OIT3: variants seen among roughly 807,000 people sequenced by gnomAD.
OIT3 encodes oncoprotein induced transcript 3.
In OIT3, 41 loss-of-function variants were observed where a neutral mutation model predicts 52.2. The observed-to-expected ratio is 0.79, with a 90% CI of 0.61 to 1.02. The LOEUF (loss-of-function observed/expected upper bound fraction) is 1.02, where lower values mean the gene tolerates loss of function less well. Ranked by LOEUF, OIT3 falls within the 50% of genes least tolerant of loss-of-function variation. OIT3 has a pLI of 0.00. For missense variants in OIT3, 634 were observed against 715.5 expected (o/e 0.89, Z 1.30); for synonymous variants, 244 against 276.9 (o/e 0.88, Z 1.18).
chr10:72,931,589 G>A (rs1381676100), intron 8 of OIT3, among the ~76,000 whole-genome samples: 1 of 152,148 alleles, frequency 6.6e-6, no homozygotes, highest in Non-Finnish European at 1.5e-5. Flanking sequence ...CCCCAAACAA[G>A]CAGGGCTAAG....
At chr10:72,914,746 C>T (rs928270430) in intron 6 of OIT3, among the ~76,000 whole-genome samples, 3 of 152,282 alleles carry the variant, frequency 2.0e-5, no homozygotes, top group African/African-American at 7.2e-5. Context: ...ACATAACAGG[C>T]GGAAGCTGTC....
chr10:72,932,499 C>G lies in OIT3; in HGVS notation c.1613C>G (p.Pro538Arg), dbSNP rs1228600654. The G allele has an allele frequency of 6.2e-7, 1 of 1,609,372 alleles. No individual in the cohort carries two copies. Among genetic ancestry groups the G allele is most frequent in the Admixed American group, 1.7e-5 (1 of 59,492 alleles). ...CAGGGCCAGACGCTAACAGGCGGCCCGATCCGCATCGACTGGGAGGACTAG... is the reference window on the plus strand; with the variant it reads ...CAGGGCCAGACGCTAACAGGCGGCCGGATCCGCATCGACTGGGAGGACTAG... ...GLQGQTLTGG[P>R]IRIDWED The change falls in exon 9 of 9, where the codon CCG becomes CGG. Residue 538 changes from proline to arginine, a missense_variant. Physicochemically the swap from Pro to Arg is moderately radical, Grantham distance 103. Coordinates refer to ENST00000334011, the MANE Select transcript of OIT3 (RefSeq NM_152635.3).
intron 1 of OIT3, among the ~76,000 whole-genome samples, chr10:72,894,627 C>T (rs1013573500): frequency 6.6e-6 from 1 of 152,078 alleles, no homozygotes; most frequent in East Asian, 1.9e-4. Context: ...ACTTGTAATG[C>T]CAGCATTTGA....
rs533923683 is a variant in OIT3, at chr10:72,918,568, G to A, written c.951+5100G>A. ...GGCACACACTTAGGTGGGAGAGAAG[G>A]CGGATGGAGATAAACCACCACTGCT... On this transcript the variant is annotated intron_variant, in intron 6 of 8. Transcript: ENST00000334011. 23 of 976,010 alleles carry A rather than the reference G, an allele frequency of 2.4e-5. No homozygotes were observed. In the East Asian group the frequency reaches 4.8e-4, roughly 20 times the overall value. The allele number at this position is 976,010 out of a possible 1,614,324, so 60.5% of individuals were successfully genotyped here.
At chr10:72,923,392 G>A (rs1485991889) in intron 6 of OIT3, among the ~76,000 whole-genome samples, 1 of 152,156 alleles carries the variant, frequency 6.6e-6, no homozygotes, top group Non-Finnish European at 1.5e-5. Context: ...ACCTGTAGAT[G>A]GTGGTTGGAG....
At chr10:72,926,889 T>C (rs1426490905) in intron 7 of OIT3, among the ~76,000 whole-genome samples, 4 of 152,194 alleles carry the variant, frequency 2.6e-5, no homozygotes, top group Admixed American at 6.5e-5. Context: ...ATACAATAAA[T>C]AGACATATTT....
At chr10:72,903,858 G>A (rs984996061) in intron 3 of OIT3, among the ~76,000 whole-genome samples, 1 of 152,026 alleles carries the variant, frequency 6.6e-6, no homozygotes, top group Non-Finnish European at 1.5e-5. Flanking sequence ...GGTTAAATAA[G>A]TAGAAGTTTA....
chr10:72,895,973 G>A (rs562323303), intron 1 of OIT3, among the ~76,000 whole-genome samples: 1 of 152,330 alleles, frequency 6.6e-6, no homozygotes, highest in East Asian at 1.9e-4. Context: ...TGCCTTAAAA[G>A]GGGGTAGAGT....
intron 3 of OIT3, among the ~76,000 whole-genome samples, chr10:72,902,741 T>C (rs1039280579): frequency 2.0e-5 from 3 of 152,060 alleles, no homozygotes; most frequent in African/African-American, 7.2e-5. Context: ...TATAAAACCA[T>C]TGGATTTCGT....
intron 3 of OIT3, among the ~76,000 whole-genome samples, chr10:72,905,667 T>C (rs1332706745): frequency 6.6e-6 from 1 of 152,166 alleles, no homozygotes; most frequent in Admixed American, 6.5e-5. Context: ...TGTAAAACCG[T>C]ACTTCAGCCA....
intron 1 of OIT3, among the ~76,000 whole-genome samples, chr10:72,894,197 T>C (rs1845853998): frequency 6.6e-6 from 1 of 151,896 alleles, no homozygotes; most frequent in African/African-American, 2.4e-5. Context: ...AAAAAAAAAT[T>C]AAAGTTGAGC....
At chr10:72,914,398 C>T (rs139214695) in intron 6 of OIT3, among the ~76,000 whole-genome samples, 4 of 152,214 alleles carry the variant, frequency 2.6e-5, no homozygotes, top group Non-Finnish European at 4.4e-5. Context: ...TGGATCAGCA[C>T]GGAGGCCTTT....
chr10:72,930,680 T>A, intron 8 of OIT3, 43 bp downstream of exon 8: 41 of 141,636 alleles, frequency 2.9e-4, no homozygotes, highest in Non-Finnish European at 5.0e-4. Flanking sequence ...AACCTGAGCC[T>A]TTTTTTTTTT....
chr10:72,918,049 C>T, intron 6 of OIT3: 1 of 879,740 alleles, frequency 1.1e-6, no homozygotes, highest in Non-Finnish European at 1.9e-6. Flanking sequence ...TCATCATCAT[C>T]TTCCTCAGCA....
At chr10:72,899,777 C>T (rs905861607) in intron 2 of OIT3, among the ~76,000 whole-genome samples, 2 of 151,990 alleles carry the variant, frequency 1.3e-5, no homozygotes, top group African/African-American at 4.8e-5. Flanking sequence ...GATAATCAGA[C>T]ATCCATGTGA....
intron 3 of OIT3, among the ~76,000 whole-genome samples, chr10:72,905,142 C>T (rs2132930556): frequency 6.6e-6 from 1 of 152,268 alleles, no homozygotes; most frequent in Non-Finnish European, 1.5e-5. Context: ...ACCTGAACAC[C>T]TCTCATTAGG....
In OIT3 at chr10:72,903,883, T is replaced by TA. The variant is rs201450450; in HGVS notation, c.545-2703dup. ...GTAGAAGTTTATTTCTCTCTCATAT[T>TA]AAAAAAAAAATCAGTCCTAAGGGAG... is the stretch of plus-strand genomic sequence containing the variant. On this transcript the variant is annotated intron_variant, in intron 3 of 8. Transcript: ENST00000334011. Among the ~76,000 whole-genome samples, 1,038 of 149,522 alleles carry TA rather than the reference T, an allele frequency of 6.9e-3. 17 individuals are homozygous for TA. The highest frequency in any genetic ancestry group is 0.024 in the African/African-American group (963 of 40,836).
intron 3 of OIT3, among the ~76,000 whole-genome samples, chr10:72,902,935 A>G (rs994806355): frequency 6.6e-6 from 1 of 152,194 alleles, no homozygotes; most frequent in African/African-American, 2.4e-5. Flanking sequence ...CAAAGGTAGC[A>G]TATCATTCAC....
At chr10:72,924,890 C>T (rs998445694) in intron 7 of OIT3, among the ~76,000 whole-genome samples, 3 of 152,098 alleles carry the variant, frequency 2.0e-5, no homozygotes, top group Admixed American at 1.3e-4. Context: ...GCGGGTGGAT[C>T]ACCTGAGGTC....
Sources: gnomAD v4.1 joint callset for allele counts (sites outside exome capture counted in the v4.1 genomes callset) on GRCh38, gnomAD v4.1.1 for gene constraint, MANE v1.5 for transcripts, NCBI Gene and HGNC (gene_info 2026-07-23, HGNC 2026-07-21) for gene names.